Variants in CNTN4 observed in about 807,000 individuals in gnomAD.
CNTN4 encodes contactin 4.
A neutral mutation model predicts 122.5 loss-of-function variants in CNTN4; 77 were observed. The ratio of observed to expected loss-of-function variants is 0.63; its 90% confidence interval spans 0.52 to 0.76. The LOEUF (loss-of-function observed/expected upper bound fraction) is 0.76. Ranked by LOEUF, CNTN4 falls within the 30% of genes least tolerant of loss-of-function variation. The pLI, the probability that CNTN4 is intolerant of heterozygous loss-of-function variation, is 0.00. For synonymous variants in CNTN4, 512 were observed against 447.0 expected, an observed-to-expected ratio of 1.15 and a Z score of -1.83; for missense variants, 1,256 against 1,259.1, an observed-to-expected ratio of 1.00 and a Z score of 0.04.
intron 4 of CNTN4, among the ~76,000 whole-genome samples, chr3:2,729,297 G>C (rs569178186): frequency 6.6e-6 from 1 of 152,108 alleles, no homozygotes; most frequent in East Asian, 1.9e-4. Context: ...GGGCGCGGTG[G>C]CTCACGCCTG....
At chr3:2,211,656 C>G (rs1168433863) in intron 2 of CNTN4, among the ~76,000 whole-genome samples, 1 of 152,164 alleles carries the variant, frequency 6.6e-6, no homozygotes, top group East Asian at 1.9e-4. Context: ...GTGAATTCCT[C>G]ACATTGAATT....
chr3:2,645,792 C>T (rs184189897), intron 4 of CNTN4, among the ~76,000 whole-genome samples: 3 of 152,282 alleles, frequency 2.0e-5, no homozygotes, highest in African/African-American at 7.2e-5. Flanking sequence ...TAGTCCTTGC[C>T]TCAATACCCA....
intron 3 of CNTN4, among the ~76,000 whole-genome samples, chr3:2,466,457 G>A (rs1267125585): frequency 1.3e-5 from 2 of 152,118 alleles, no homozygotes; most frequent in South Asian, 2.1e-4. Flanking sequence ...AACCAAATCT[G>A]GGATTTCAAA....
chr3:2,326,656 C>A (rs899089622), intron 2 of CNTN4, among the ~76,000 whole-genome samples: 1 of 152,144 alleles, frequency 6.6e-6, no homozygotes, highest in Non-Finnish European at 1.5e-5. Context: ...CTCATTCCTT[C>A]TGGTCACTGG....
At chr3:2,580,742 T>C (rs1273463765) in intron 4 of CNTN4, among the ~76,000 whole-genome samples, 1 of 152,160 alleles carries the variant, frequency 6.6e-6, no homozygotes, top group African/African-American at 2.4e-5. Flanking sequence ...ATAATAATAG[T>C]AAGAGTAAAA....
At chr3:2,601,581 C>G (rs1264462338) in intron 4 of CNTN4, among the ~76,000 whole-genome samples, 4 of 152,068 alleles carry the variant, frequency 2.6e-5, no homozygotes, top group African/African-American at 9.7e-5. Flanking sequence ...GTTTTGGTAC[C>G]AGTACCATGC....
intron 13 of CNTN4, among the ~76,000 whole-genome samples, chr3:2,968,633 T>TACC (rs1692568612): frequency 6.6e-6 from 1 of 152,280 alleles, no homozygotes; most frequent in Middle Eastern, 3.4e-3. Flanking sequence ...CCACCACTAC[T>TACC]ACCACCACCA....
At chr3:2,638,578 TA>T (rs758220720) in intron 4 of CNTN4, among the ~76,000 whole-genome samples, 85 of 152,196 alleles carry the variant, frequency 5.6e-4, no homozygotes, top group Non-Finnish European at 1.1e-3. Context: ...GATACTTACC[TA>T]TTTTAATTCT....
intron 4 of CNTN4, among the ~76,000 whole-genome samples, chr3:2,673,558 C>T (rs1386298830): frequency 1.3e-5 from 2 of 151,890 alleles, no homozygotes; most frequent in Non-Finnish European, 1.5e-5. Context: ...TGTTTTGTTT[C>T]GAGGTGGTGT....
At chr3:2,394,233 C>A (rs13068537) in intron 3 of CNTN4, among the ~76,000 whole-genome samples, 23,084 of 151,716 alleles carry the variant, frequency 0.15, 2,186 homozygotes, top group Middle Eastern at 0.24. Context: ...AAGGAAGCCC[C>A]TAGAGGCTGA....
At chr3:2,960,944 T>C (rs971427353) in intron 13 of CNTN4, among the ~76,000 whole-genome samples, 2 of 152,096 alleles carry the variant, frequency 1.3e-5, no homozygotes, top group African/African-American at 4.8e-5. Flanking sequence ...GATAAAGGCC[T>C]ATTGTGCCGG....
chr3:2,618,393 ATAT>A (rs1270888631), intron 4 of CNTN4, among the ~76,000 whole-genome samples: 5 of 152,178 alleles, frequency 3.3e-5, no homozygotes, highest in South Asian at 2.1e-4. Flanking sequence ...ACGTATACAC[ATAT>A]TATTACAAAT....
chr3:2,127,458 C>A (rs539354885), intron 2 of CNTN4, among the ~76,000 whole-genome samples: 2 of 152,216 alleles, frequency 1.3e-5, no homozygotes, highest in East Asian at 3.9e-4. Flanking sequence ...GCTCATTGAA[C>A]TTGTGTGATG....
chr3:2,340,710 T>TATAGAGAGAGAGAGAGAGAG, intron 3 of CNTN4, among the ~76,000 whole-genome samples: 3 of 18,306 alleles, frequency 1.6e-4, no homozygotes, highest in Admixed American at 1.2e-3. Flanking sequence ...TATATATATA[T>TATAGAGAGAGAGAGAGAGAG]AGAGAGAGAG....
At chr3:2,834,898 CTTT>C (rs71058653) in intron 7 of CNTN4, among the ~76,000 whole-genome samples, 192 of 60,444 alleles carry the variant, frequency 3.2e-3, no homozygotes, top group African/African-American at 0.013. Context: ...TAAAGGCAAC[CTTT>C]TTTTTTTTTT....
chr3:2,962,723 C>T, intron 13 of CNTN4, among the ~76,000 whole-genome samples: 1 of 152,144 alleles, frequency 6.6e-6, no homozygotes. Context: ...CACAGCCTTA[C>T]CAGATTGAAT....
chr3:2,681,709 A>G (rs1412983523), intron 4 of CNTN4, among the ~76,000 whole-genome samples: 3 of 152,026 alleles, frequency 2.0e-5, no homozygotes, highest in African/African-American at 7.2e-5. Flanking sequence ...ATATTCATGT[A>G]TAAATATATA....
intron 6 of CNTN4, among the ~76,000 whole-genome samples, chr3:2,816,684 G>A (rs923719371): frequency 6.6e-6 from 1 of 151,696 alleles, no homozygotes; most frequent in African/African-American, 2.4e-5. Context: ...AGCTGGGCGT[G>A]GTGGTGCATG....
At chr3:3,015,269 C>A (rs772772231) in intron 14 of CNTN4, among the ~76,000 whole-genome samples, 11 of 151,626 alleles carry the variant, frequency 7.3e-5, no homozygotes, top group Non-Finnish European at 1.0e-4. Context: ...GTTGCCCATT[C>A]TGAAGGGTTT....
Sources: gnomAD v4.1 joint callset for allele counts (sites outside exome capture counted in the v4.1 genomes callset) on GRCh38, gnomAD v4.1.1 for gene constraint, MANE v1.5 for transcripts, NCBI Gene and HGNC (gene_info 2026-07-23, HGNC 2026-07-21) for gene names.